Variants in BANK1 observed in about 807,000 individuals in gnomAD.
BANK1 encodes B cell scaffold protein with ankyrin repeats 1.
BANK1 carries 95 observed loss-of-function variants against 94.5 expected under a neutral mutation model. That is an observed-to-expected ratio of 1.00 (90% CI 0.85 to 1.19). The LOEUF (loss-of-function observed/expected upper bound fraction) is 1.19, where lower values mean the gene tolerates loss of function less well. Among genes scored for constraint, BANK1 ranks in the 50% most tolerant of loss-of-function variants. BANK1 has a pLI of 0.00. For missense variants in BANK1, 987 were observed against 932.2 expected, an observed-to-expected ratio of 1.06 and a Z score of -0.77; for synonymous variants, 334 against 308.4, an observed-to-expected ratio of 1.08 and a Z score of -0.87.
intron 10 of BANK1, among the ~76,000 whole-genome samples, chr4:102,031,341 C>A (rs1727302320): frequency 6.6e-6 from 1 of 152,060 alleles, no homozygotes; most frequent in South Asian, 2.1e-4. Flanking sequence ...GATATTAGCC[C>A]TTTGTCAGGT....
intron 1 of BANK1, among the ~76,000 whole-genome samples, chr4:101,809,496 T>G (rs1247919773): frequency 6.6e-6 from 1 of 151,716 alleles, no homozygotes; most frequent in African/African-American, 2.4e-5. Flanking sequence ...TAAATATATA[T>G]AAAAAATAAA....
chr4:101,938,377 A>G (rs1723642439), intron 7 of BANK1, among the ~76,000 whole-genome samples: 1 of 151,654 alleles, frequency 6.6e-6, no homozygotes, highest in Admixed American at 6.6e-5. Flanking sequence ...AATAAGATCT[A>G]GTATTTTGTA....
intron 11 of BANK1, among the ~76,000 whole-genome samples, chr4:102,051,667 C>G (rs1292783203): frequency 6.6e-6 from 1 of 152,166 alleles, no homozygotes; most frequent in African/African-American, 2.4e-5. Context: ...TATTTAATCC[C>G]TCCCTTACCT....
chr4:102,007,826 C>G (rs1726356180), intron 7 of BANK1, among the ~76,000 whole-genome samples: 1 of 152,094 alleles, frequency 6.6e-6, no homozygotes, highest in African/African-American at 2.4e-5. Context: ...AACTGTATCA[C>G]ACAATTTTAA....
At chr4:102,001,726 A>C (rs999733324) in intron 7 of BANK1, among the ~76,000 whole-genome samples, 2 of 152,186 alleles carry the variant, frequency 1.3e-5, no homozygotes, top group Non-Finnish European at 2.9e-5. Flanking sequence ...CAGAGTTAAA[A>C]ATCATAAACA....
At chr4:102,045,862 A>G (rs1234713866) in intron 11 of BANK1, among the ~76,000 whole-genome samples, 1 of 152,012 alleles carries the variant, frequency 6.6e-6, no homozygotes, top group Non-Finnish European at 1.5e-5. Context: ...AAATGGCCGT[A>G]CTGCCCAAGG....
chr4:101,974,360 A>G (rs1475495895), intron 7 of BANK1, among the ~76,000 whole-genome samples: 1 of 152,132 alleles, frequency 6.6e-6, no homozygotes. Context: ...CCTAAATACT[A>G]TAAAATTTCT....
At chr4:102,010,182 G>A (rs1017480249) in intron 7 of BANK1, among the ~76,000 whole-genome samples, 137 of 151,156 alleles carry the variant, frequency 9.1e-4, no homozygotes, top group African/African-American at 2.7e-3. Flanking sequence ...GGAGAATGGC[G>A]TGAACCCGGG....
rs1491347747 is a variant in BANK1 at position 102,007,111 on chromosome 4, A to AT, written c.1207-14403_1207-14402insT. Reference sequence around the variant, plus strand: ...ATATATAATATATTTATATATATATAAATATATATTTTATATATATATAAA... The same window carrying AT: ...ATATATAATATATTTATATATATATATAATATATATTTTATATATATATAAA... On this transcript the variant is annotated intron_variant, in intron 7 of 16. Transcript: ENST00000322953. 2.2e-3 allele frequency among the ~76,000 whole-genome samples: 119 copies of AT among 53,240 alleles called. 4 individuals are homozygous for AT. Among genetic ancestry groups the AT allele is most frequent in the African/African-American group, 6.2e-3 (102 of 16,414 alleles). 34.9% of individuals were successfully genotyped at this position (53,240 alleles called of 152,430 possible). A position where few individuals can be genotyped will look rare whatever the true frequency, so the allele number is the denominator to read the frequency against.
intron 6 of BANK1, among the ~76,000 whole-genome samples, chr4:101,896,898 A>G (rs796967935): frequency 2.0e-5 from 3 of 152,100 alleles, no homozygotes; most frequent in African/African-American, 7.2e-5. Context: ...ATAATTGATT[A>G]CATAAATTTT....
chr4:101,922,907 G>C (rs1455473012), intron 7 of BANK1, among the ~76,000 whole-genome samples: 1 of 151,732 alleles, frequency 6.6e-6, no homozygotes, highest in East Asian at 2.0e-4. Flanking sequence ...CAAGTCCTCA[G>C]ACCCAGTTTT....
intron 7 of BANK1, among the ~76,000 whole-genome samples, chr4:102,020,827 A>G (rs1726869119): frequency 6.6e-6 from 1 of 152,148 alleles, no homozygotes; most frequent in Non-Finnish European, 1.5e-5. Flanking sequence ...CCCTTTCCCT[A>G]GATGCTTTTG....
chr4:101,840,381 G>GC (rs1272613597), intron 2 of BANK1, among the ~76,000 whole-genome samples: 1 of 152,018 alleles, frequency 6.6e-6, no homozygotes, highest in Non-Finnish European at 1.5e-5. Flanking sequence ...TTGGGAACAG[G>GC]CCCCCCAAAA....
At chr4:101,931,584 C>T (rs1723343423) in intron 7 of BANK1, among the ~76,000 whole-genome samples, 2 of 151,518 alleles carry the variant, frequency 1.3e-5, no homozygotes, top group Non-Finnish European at 3.0e-5. Flanking sequence ...TTGCAAAAGT[C>T]AGTTCCTTAT....
chr4:101,956,026 A>C (rs886844470), intron 7 of BANK1, among the ~76,000 whole-genome samples: 4 of 152,240 alleles, frequency 2.6e-5, no homozygotes, highest in African/African-American at 7.2e-5. Context: ...AATATTTCCA[A>C]AATAAGTGTT....
chr4:101,833,841 G>A (rs1270390418), intron 2 of BANK1, among the ~76,000 whole-genome samples: 4 of 152,160 alleles, frequency 2.6e-5, no homozygotes, highest in African/African-American at 9.6e-5. Flanking sequence ...CAAACTGGAA[G>A]TTTTCAAGTT....
rs558278296 is a variant in BANK1, at chr4:101,836,713, T to C, written c.469+6507T>C. On this transcript the variant is annotated intron_variant, in intron 2 of 16. Transcript: ENST00000322953. ...ACCTCAATCTAATCATGAGGAAATATCAGACAAATCAAACTGGGAGATTTT... is the reference window on the plus strand; with the variant it reads ...ACCTCAATCTAATCATGAGGAAATACCAGACAAATCAAACTGGGAGATTTT... Among the ~76,000 whole-genome samples, 4 of 152,270 alleles carry C rather than the reference T, an allele frequency of 2.6e-5. No homozygotes were observed. In the East Asian group the frequency reaches 5.8e-4, roughly 22 times the overall value.
At chr4:101,875,636 T>A (rs1483156642) in intron 5 of BANK1, among the ~76,000 whole-genome samples, 1 of 152,062 alleles carries the variant, frequency 6.6e-6, no homozygotes, top group Non-Finnish European at 1.5e-5. Flanking sequence ...TACATGGGGA[T>A]TACAATTCAA....
At chr4:101,958,464 C>CTTT (rs35066662) in intron 7 of BANK1, among the ~76,000 whole-genome samples, 1 of 110,732 alleles carries the variant, frequency 9.0e-6, no homozygotes, top group East Asian at 2.5e-4. Context: ...GCCCCCCATG[C>CTTT]TTTTTTTTTT....
Sources: gnomAD v4.1 joint callset for allele counts (sites outside exome capture counted in the v4.1 genomes callset) on GRCh38, gnomAD v4.1.1 for gene constraint, MANE v1.5 for transcripts, NCBI Gene and HGNC (gene_info 2026-07-23, HGNC 2026-07-21) for gene names.